NOX3: variants seen among roughly 807,000 people sequenced by gnomAD.
NOX3 encodes NADPH oxidase 3, also known as NADPH oxidase catalytic subunit-like 3.
NOX3 carries 74 observed loss-of-function variants against 76.7 expected under a neutral mutation model. The observed-to-expected ratio is 0.96, with a 90% CI of 0.80 to 1.17. The LOEUF (loss-of-function observed/expected upper bound fraction) is 1.17. NOX3 is among the 50% of genes most tolerant of loss of function. NOX3 has a pLI of 0.00. For synonymous variants in NOX3, 263 were observed against 261.1 expected, an observed-to-expected ratio of 1.01 and a Z score of -0.07; for missense variants, 695 against 703.3, an observed-to-expected ratio of 0.99 and a Z score of 0.13.
chr6:155,455,208 T>C, intron 1 of NOX3, 79 bp from the exon 2 acceptor site: 1 of 856,086 alleles, frequency 1.2e-6, no homozygotes, highest in Non-Finnish European at 1.9e-6. Context: ...GGGTTCTTCT[T>C]TTAAAGTGGA....
Position 155,436,506 on chromosome 6 carries a change from T to C in NOX3, c.710A>G (p.His237Arg), listed in dbSNP as rs1776905931. ...RGQTQDSLSLHNITFCRDRYA... is the reference protein window; with the variant it reads ...RGQTQDSLSLRNITFCRDRYA... ...GCGGTCTCTACAGAAGGTGATGTTGTGCAGAGAGAGACTGTCTTGGGTTTG... is the reference window on the plus strand; with the variant it reads ...GCGGTCTCTACAGAAGGTGATGTTGCGCAGAGAGAGACTGTCTTGGGTTTG... The change falls in exon 7 of 14, where the codon CAC becomes CGC. Residue 237 changes from histidine (H) to arginine (R), a missense_variant. By Grantham distance (29) the His-to-Arg change is conservative. Transcript: ENST00000159060. 6.2e-7 allele frequency: 1 copy of C among 1,614,180 alleles called. No homozygotes were observed. The highest frequency in any genetic ancestry group is 8.5e-7 in the Non-Finnish European group (1 of 1,180,012).
At chr6:155,431,857 G>T (rs1366303326) in intron 7 of NOX3, among the ~76,000 whole-genome samples, 18 of 152,150 alleles carry the variant, frequency 1.2e-4, no homozygotes, top group Admixed American at 1.2e-3. Context: ...TGTGAACTCA[G>T]GTATGCCTGA....
chr6:155,444,301 T>C (rs569583289), intron 4 of NOX3, among the ~76,000 whole-genome samples: 1 of 152,360 alleles, frequency 6.6e-6, no homozygotes, highest in African/African-American at 2.4e-5. Flanking sequence ...TGATGAAATC[T>C]CATGCCATCC....
chr6:155,439,848 G>T, intron 6 of NOX3, 108 bp downstream of exon 6: 1 of 877,750 alleles, frequency 1.1e-6, no homozygotes. Context: ...CACATTATAC[G>T]AGTCCTGTAG....
At chr6:155,403,302 GC>G (rs1403386117) in intron 12 of NOX3, among the ~76,000 whole-genome samples, 8 of 152,190 alleles carry the variant, frequency 5.3e-5, no homozygotes, top group African/African-American at 1.7e-4. Context: ...GTGGTGCTAA[GC>G]TTTTGACCGA....
chr6:155,414,892 C>T (rs138197637), intron 10 of NOX3, among the ~76,000 whole-genome samples: 121 of 152,138 alleles, frequency 8.0e-4, no homozygotes, highest in African/African-American at 2.6e-3. Flanking sequence ...CCTCCCAAAG[C>T]GCTGGGATTA....
At chr6:155,429,135 G>T in intron 8 of NOX3, 88 bp from the exon 9 acceptor site, 1 of 1,315,976 alleles carries the variant, frequency 7.6e-7, no homozygotes, top group Non-Finnish European at 1.0e-6. Flanking sequence ...GAAAATTTTA[G>T]ATCAGCTTGT....
intron 13 of NOX3, among the ~76,000 whole-genome samples, chr6:155,396,018 C>A (rs1275268377): frequency 6.6e-6 from 1 of 152,078 alleles, no homozygotes; most frequent in Non-Finnish European, 1.5e-5. Context: ...CTAAGAAAGT[C>A]CCTCTTTTGC....
intron 1 of NOX3, among the ~76,000 whole-genome samples, chr6:155,455,478 CAA>C (rs1446343896): frequency 3.3e-5 from 5 of 152,092 alleles, no homozygotes; most frequent in Admixed American, 3.3e-4. Flanking sequence ...TAGTCTAATT[CAA>C]AGACTTCATT....
chr6:155,433,970 A>G (rs777086391), intron 7 of NOX3, among the ~76,000 whole-genome samples: 1 of 152,256 alleles, frequency 6.6e-6, no homozygotes, highest in Non-Finnish European at 1.5e-5. Flanking sequence ...TATGATAGAA[A>G]TAAAACGATG....
intron 11 of NOX3, among the ~76,000 whole-genome samples, chr6:155,409,353 G>C (rs1776511532): frequency 6.6e-6 from 1 of 152,148 alleles, no homozygotes; most frequent in African/African-American, 2.4e-5. Context: ...GAAACCGATG[G>C]GGGTGGGACA....
At chr6:155,439,672 A>G (rs936018393) in intron 6 of NOX3, among the ~76,000 whole-genome samples, 1 of 152,220 alleles carries the variant, frequency 6.6e-6, no homozygotes, top group Non-Finnish European at 1.5e-5. Flanking sequence ...TGAATGAAAC[A>G]TAGATCTACT....
chr6:155,407,094 G>A, intron 12 of NOX3, 36 bp downstream of exon 12: 5 of 1,613,064 alleles, frequency 3.1e-6, no homozygotes, highest in Non-Finnish European at 4.2e-6. Context: ...CTCCAGAGAA[G>A]AGCCTGGCAG....
chr6:155,449,537 A>G (rs1358236895), intron 4 of NOX3, among the ~76,000 whole-genome samples: 1 of 152,198 alleles, frequency 6.6e-6, no homozygotes, highest in Non-Finnish European at 1.5e-5. Context: ...CTCTTATCAT[A>G]GGCAGACAAG....
At chr6:155,423,700 T>C (rs1160944866) in intron 9 of NOX3, among the ~76,000 whole-genome samples, 1 of 152,052 alleles carries the variant, frequency 6.6e-6, no homozygotes, top group Non-Finnish European at 1.5e-5. Context: ...CATTTTCCCT[T>C]GGAATAATCT....
chr6:155,403,560 A>G (rs1779262291), intron 12 of NOX3, among the ~76,000 whole-genome samples: 1 of 152,230 alleles, frequency 6.6e-6, no homozygotes, highest in African/African-American at 2.4e-5. Flanking sequence ...TCATCCATCA[A>G]GGAGAGAGAG....
At chr6:155,403,475 T>C (rs920985630) in intron 12 of NOX3, among the ~76,000 whole-genome samples, 2 of 152,210 alleles carry the variant, frequency 1.3e-5, no homozygotes, top group African/African-American at 4.8e-5. Flanking sequence ...AATTTGGGAC[T>C]GGGAAGTATG....
intron 10 of NOX3, among the ~76,000 whole-genome samples, chr6:155,418,032 A>G (rs780159495): frequency 6.6e-6 from 1 of 152,260 alleles, no homozygotes; most frequent in East Asian, 1.9e-4. Context: ...AAGACTACAT[A>G]TGCAGTTAAG....
In NOX3 at chr6:155,396,841, A is replaced by C; in HGVS notation, c.1702T>G (p.Phe568Val). The C allele has an allele frequency of 6.2e-7, 1 of 1,609,738 alleles. No homozygotes were observed. Among genetic ancestry groups the C allele is most frequent in the Non-Finnish European group, 8.5e-7 (1 of 1,177,508 alleles). The change falls in exon 13 of 14, where the codon TTC (phenylalanine) becomes GTC (valine). Residue 568 changes from phenylalanine to valine, a missense_variant. Physicochemically the swap from Phe to Val is conservative, Grantham distance 50. Coordinates refer to ENST00000159060, the MANE Select transcript of NOX3 (RefSeq NM_015718.3). ...GVHFYYNKESF is the reference protein window; with the variant it reads ...GVHFYYNKESV ...CTGGACTTGACCTCCAAAGTCTAGA[A>C]GCTCTCCTTGTTGTAATAGAAATGA...
Sources: gnomAD v4.1 joint callset for allele counts (sites outside exome capture counted in the v4.1 genomes callset) on GRCh38, gnomAD v4.1.1 for gene constraint, MANE v1.5 for transcripts, NCBI Gene and HGNC (gene_info 2026-07-23, HGNC 2026-07-21) for gene names.